Variants in LIPK observed in about 807,000 individuals in gnomAD.
LIPK encodes the protein lipase family member K, also known as lipase member K.
LIPK carries 32 observed loss-of-function variants against 48.6 expected under a neutral mutation model. The observed-to-expected ratio is 0.66, with a 90% CI of 0.50 to 0.88. The LOEUF (loss-of-function observed/expected upper bound fraction) is 0.88, where lower values mean the gene tolerates loss of function less well. Among genes scored for constraint, LIPK ranks in the 40% least tolerant of loss-of-function variants. LIPK has a pLI of 0.00. For synonymous variants in LIPK, 164 were observed against 157.4 expected, an observed-to-expected ratio of 1.04 and a Z score of -0.32; for missense variants, 507 against 478.5, an observed-to-expected ratio of 1.06 and a Z score of -0.56.
At chr10:88,742,950 C>A (rs427541) in intron 8 of LIPK, among the ~76,000 whole-genome samples, 1 of 151,812 alleles carries the variant, frequency 6.6e-6, no homozygotes, top group African/African-American at 2.4e-5. Context: ...CATTCAATTC[C>A]GCATCTTTAA....
At chr10:88,723,746 A>G (rs985228018) in intron 1 of LIPK, among the ~76,000 whole-genome samples, 1 of 152,256 alleles carries the variant, frequency 6.6e-6, no homozygotes, top group South Asian at 2.1e-4. Context: ...CCATCTAGAT[A>G]TAACTATAAT....
chr10:88,719,140 A>G (rs1842174018), intron 1 of LIPK, among the ~76,000 whole-genome samples: 1 of 152,232 alleles, frequency 6.6e-6, no homozygotes. Flanking sequence ...AAGACATGGT[A>G]TAACAAGAGC....
At chr10:88,719,993 A>G (rs1455930405) in intron 1 of LIPK, among the ~76,000 whole-genome samples, 1 of 152,216 alleles carries the variant, frequency 6.6e-6, no homozygotes, top group African/African-American at 2.4e-5. Context: ...AAAATCAAAC[A>G]TGCATCAAGG....
At position 88,741,876 on chromosome 10, in the gene LIPK, G is replaced by A. The variant is rs1261794563; in HGVS notation, c.889-1374G>A. ...GCCTGGATACAATCAAGGTATATTA[G>A]TGTCTTTCACACTACTATAAAGAGC... On this transcript the variant is annotated intron_variant, in intron 8 of 9. Transcript: ENST00000404190. Among the ~76,000 whole-genome samples, 3 of 152,138 alleles carry A rather than the reference G, an allele frequency of 2.0e-5. No individual in the cohort carries two copies. In the South Asian group the frequency reaches 6.2e-4, roughly 32 times the overall value.
At chr10:88,726,935 A>T in intron 3 of LIPK, 23 bp downstream of exon 3, 3 of 1,374,400 alleles carry the variant, frequency 2.2e-6, no homozygotes, top group Non-Finnish European at 3.1e-6. Flanking sequence ...TTGTTATGAA[A>T]GGAAAAATAC....
rs778638424 is a variant in LIPK at position 88,740,024 on chromosome 10, A to G, written c.845A>G (p.Asn282Ser). The change falls in exon 8 of 10, where the codon AAT (asparagine) becomes AGT (serine). Residue 282 changes from asparagine to serine, a missense_variant. Transcript: ENST00000404190. ...CGCTTGGATGTTTATTTGTCACACA[A>G]TCCTGCGGGAACATCTGTTCAGAAT... Reference protein sequence around the residue: ...MSRLDVYLSHNPAGTSVQNML... With the variant: ...MSRLDVYLSHSPAGTSVQNML... 15 of 1,612,680 alleles carry G rather than the reference A, an allele frequency of 9.3e-6. 1 individual carries two copies. The highest frequency in any genetic ancestry group is 7.7e-5 in the South Asian group (7 of 90,986).
chr10:88,717,859 G>C (rs890142124), intron 1 of LIPK, among the ~76,000 whole-genome samples: 2 of 151,510 alleles, frequency 1.3e-5, no homozygotes, highest in Non-Finnish European at 2.9e-5. Flanking sequence ...CACTCAGGTT[G>C]CCTAAACTTG....
At chr10:88,741,383 C>A (rs7909377) in intron 8 of LIPK, among the ~76,000 whole-genome samples, 26,168 of 151,800 alleles carry the variant, frequency 0.17, 2,745 homozygotes, top group African/African-American at 0.3. Flanking sequence ...CACCACCATG[C>A]CCAGATAACG....
At chr10:88,749,482 C>T (rs922064488) in intron 9 of LIPK, among the ~76,000 whole-genome samples, 12 of 152,084 alleles carry the variant, frequency 7.9e-5, no homozygotes, top group East Asian at 5.8e-4. Flanking sequence ...ATTTGATCTT[C>T]GACAAAGTTG....
chr10:88,713,340 G>A (rs1842058230), intron 1 of LIPK, among the ~76,000 whole-genome samples: 1 of 152,114 alleles, frequency 6.6e-6, no homozygotes, highest in African/African-American at 2.4e-5. Flanking sequence ...GTTATTATAT[G>A]TGATAGATAC....
At chr10:88,743,392 G>T in intron 9 of LIPK, 71 bp downstream of exon 9, 1 of 1,099,666 alleles carries the variant, frequency 9.1e-7, no homozygotes, top group Non-Finnish European at 1.4e-6. Flanking sequence ...TACTCATGAA[G>T]CACCTGCCAC....
At chr10:88,708,375 C>T (rs1003923185) in intron 1 of LIPK, among the ~76,000 whole-genome samples, 12 of 152,140 alleles carry the variant, frequency 7.9e-5, no homozygotes, top group African/African-American at 2.2e-4. Flanking sequence ...CCAAATATAA[C>T]CATTTTCATT....
intron 1 of LIPK, among the ~76,000 whole-genome samples, chr10:88,715,600 T>C (rs1489195284): frequency 1.3e-5 from 2 of 152,128 alleles, no homozygotes; most frequent in Non-Finnish European, 2.9e-5. Flanking sequence ...TGACAATATT[T>C]GCCTTTTTTT....
intron 1 of LIPK, among the ~76,000 whole-genome samples, chr10:88,713,883 G>C (rs968724668): frequency 4.6e-5 from 7 of 151,944 alleles, no homozygotes; most frequent in African/African-American, 1.7e-4. Flanking sequence ...GCTCACTGCA[G>C]AGGTTGCAGT....
At chr10:88,737,592 T>A in intron 6 of LIPK, 43 bp from the exon 7 acceptor site, 1 of 1,603,664 alleles carries the variant, frequency 6.2e-7, no homozygotes, top group Non-Finnish European at 8.5e-7. Flanking sequence ...ACTTTTGATA[T>A]CCACGCCTGT....
At chr10:88,741,801 C>T (rs1842684888) in intron 8 of LIPK, among the ~76,000 whole-genome samples, 1 of 152,148 alleles carries the variant, frequency 6.6e-6, no homozygotes, top group Non-Finnish European at 1.5e-5. Flanking sequence ...TACTATCATT[C>T]TCATTTCACA....
intron 6 of LIPK, among the ~76,000 whole-genome samples, chr10:88,732,860 G>A (rs1213137698): frequency 1.3e-5 from 2 of 152,170 alleles, no homozygotes; most frequent in African/African-American, 4.8e-5. Flanking sequence ...AATTTTTCTA[G>A]TGATCCCTAA....
intron 1 of LIPK, among the ~76,000 whole-genome samples, chr10:88,709,212 T>A (rs1841984762): frequency 1.3e-5 from 2 of 152,204 alleles, no homozygotes; most frequent in African/African-American, 4.8e-5. Context: ...CATGTTTACA[T>A]AATGCCACAA....
chr10:88,736,804 G>GA (rs1310288297), intron 6 of LIPK, among the ~76,000 whole-genome samples: 1 of 152,148 alleles, frequency 6.6e-6, no homozygotes, highest in Non-Finnish European at 1.5e-5. Context: ...ATCTTAAAGT[G>GA]AATTAGATCT....
Sources: gnomAD v4.1 joint callset for allele counts (sites outside exome capture counted in the v4.1 genomes callset) on GRCh38, gnomAD v4.1.1 for gene constraint, MANE v1.5 for transcripts, NCBI Gene and HGNC (gene_info 2026-07-23, HGNC 2026-07-21) for gene names.